CNIH1: variants seen among roughly 807,000 people sequenced by gnomAD.
CNIH1 encodes the protein protein cornichon homolog 1.
A neutral mutation model predicts 20.2 loss-of-function variants in CNIH1; 12 were observed. That is an observed-to-expected ratio of 0.59 (90% CI 0.38 to 0.96). CNIH1 has a LOEUF of 0.96. CNIH1 is among the 40% of genes least tolerant of loss of function. The probability of loss-of-function intolerance (pLI) is 0.00; values close to 1 mark genes in which losing one functional copy is unlikely to be tolerated. For synonymous variants in CNIH1, 69 were observed against 63.3 expected (o/e 1.09, Z -0.43); for missense variants, 152 against 178.8 (o/e 0.85, Z 0.85).
At chr14:54,434,635 T>C (rs961375337) in intron 2 of CNIH1, among the ~76,000 whole-genome samples, 6 of 152,154 alleles carry the variant, frequency 3.9e-5, no homozygotes, top group Non-Finnish European at 8.8e-5. Context: ...CCCAGGAAAA[T>C]CCTCATCTGA....
chr14:54,430,533 G>C (rs2030913367), intron 3 of CNIH1, 129 bp from the exon 4 acceptor site: 1 of 812,458 alleles, frequency 1.2e-6, no homozygotes, highest in Admixed American at 2.7e-5. Context: ...TTACTTATGG[G>C]TAAAATGCTT....
At chr14:54,436,584 T>C (rs900143632) in intron 1 of CNIH1, 147 bp from the exon 2 acceptor site, 8 of 609,042 alleles carry the variant, frequency 1.3e-5, no homozygotes, top group Non-Finnish European at 2.3e-5. Context: ...TAAACTCATA[T>C]ATGACAAAAA....
At chr14:54,428,267 T>C (rs1161193998) in intron 4 of CNIH1, among the ~76,000 whole-genome samples, 1 of 152,038 alleles carries the variant, frequency 6.6e-6, no homozygotes, top group Admixed American at 6.6e-5. Context: ...ACCATGTGTA[T>C]CCCCATTGTA....
chr14:54,429,939 C>T (rs542245510), intron 4 of CNIH1, among the ~76,000 whole-genome samples: 1 of 152,182 alleles, frequency 6.6e-6, no homozygotes, highest in Non-Finnish European at 1.5e-5. Context: ...GAAATTTCTG[C>T]AAACTCACAC....
chr14:54,435,533 G>A (rs931614631), intron 2 of CNIH1, among the ~76,000 whole-genome samples: 10 of 152,040 alleles, frequency 6.6e-5, no homozygotes, highest in Admixed American at 2.0e-4. Flanking sequence ...TAACCACATA[G>A]ACATTTGTAT....
At chr14:54,434,869 G>A (rs2031025092) in intron 2 of CNIH1, among the ~76,000 whole-genome samples, 1 of 152,296 alleles carries the variant, frequency 6.6e-6, no homozygotes, top group Non-Finnish European at 1.5e-5. Flanking sequence ...TAAGAGCAAA[G>A]AAACAGCTAA....
intron 2 of CNIH1, among the ~76,000 whole-genome samples, chr14:54,434,127 C>G (rs1260943759): frequency 6.6e-6 from 1 of 152,280 alleles, no homozygotes; most frequent in South Asian, 2.1e-4. Context: ...TTAAAGTTCA[C>G]AATTTAAAAA....
At chr14:54,430,748 C>G (rs1173702707) in intron 3 of CNIH1, among the ~76,000 whole-genome samples, 4 of 152,186 alleles carry the variant, frequency 2.6e-5, no homozygotes, top group Non-Finnish European at 5.9e-5. Flanking sequence ...CCCAGATATT[C>G]CAAATGTCCA....
chr14:54,439,461 C>T (rs762448249), intron 1 of CNIH1, among the ~76,000 whole-genome samples: 2 of 151,936 alleles, frequency 1.3e-5, no homozygotes, highest in Non-Finnish European at 2.9e-5. Context: ...TCTAAGAATC[C>T]CCATCATCCC....
At chr14:54,440,460 C>T (rs2031147252) in intron 1 of CNIH1, among the ~76,000 whole-genome samples, 1 of 152,128 alleles carries the variant, frequency 6.6e-6, no homozygotes, top group African/African-American at 2.4e-5. Context: ...GTGCTTCCAC[C>T]CTGCAATAGT....
intron 3 of CNIH1, among the ~76,000 whole-genome samples, chr14:54,431,297 T>G (rs2030938499): frequency 6.6e-6 from 1 of 152,112 alleles, no homozygotes; most frequent in South Asian, 2.1e-4. Flanking sequence ...CTGGTTAATT[T>G]TTGTATTTTT....
rs370210998 is a variant in CNIH1 at position 54,441,334 on chromosome 14, G to C, written c.-7C>G. 1 of 1,500,846 alleles carries C rather than the reference G, an allele frequency of 6.7e-7. No homozygotes were observed. The highest frequency in any genetic ancestry group is 8.9e-7 in the Non-Finnish European group (1 of 1,118,012). The allele number at this position is 1,500,846 out of a possible 1,614,324, so 93.0% of individuals were successfully genotyped here. A position where few individuals can be genotyped will look rare whatever the true frequency, so the allele number is the denominator to read the frequency against. On this transcript the variant is annotated 5_prime_UTR_variant, in exon 1 of 5. Transcript: ENST00000216416. ...CCGCGAACGTGAACGCCATGGCTGG[G>C]GAGGAGGAGCGGGGAGCGGCGCCGT...
At position 54,427,845 on chromosome 14, in the gene CNIH1, A is replaced by C. The variant is rs1365954575; in HGVS notation, c.408-4T>G. On this transcript the variant is annotated splice_polypyrimidine_tract_variant and splice_region_variant and intron_variant, in intron 4 of 4. Transcript: ENST00000216416. The stretch of plus-strand genomic sequence containing the variant: ...GCTCACCAAAACATAGATCATGCTG[A>C]AAAGAAGAAAAAAGATGTTAATTTG... 1.2e-6 allele frequency: 2 copies of C among 1,612,854 alleles called. No individual in the cohort carries two copies. The highest frequency in any genetic ancestry group is 1.7e-6 in the Non-Finnish European group (2 of 1,179,428).
intron 2 of CNIH1, among the ~76,000 whole-genome samples, chr14:54,433,123 G>A (rs2030982806): frequency 6.6e-6 from 1 of 152,160 alleles, no homozygotes; most frequent in South Asian, 2.1e-4. Context: ...TTCAGCCTGA[G>A]GACTTTGTTA....
At chr14:54,438,829 T>A (rs2031108038) in intron 1 of CNIH1, among the ~76,000 whole-genome samples, 1 of 152,182 alleles carries the variant, frequency 6.6e-6, no homozygotes, top group South Asian at 2.1e-4. Flanking sequence ...TGGGAGCAGA[T>A]CCCTCATGAA....
At position 54,425,269 on chromosome 14, in the gene CNIH1, A is replaced by C. The variant is rs2030803558; in HGVS notation, c.*2545T>G. On this transcript the variant is annotated 3_prime_UTR_variant, in exon 5 of 5. Coordinates refer to ENST00000216416, the MANE Select transcript of CNIH1 (RefSeq NM_005776.3). ...ACAAAAAGTTGTTGGTATAGATATA[A>C]CCACAGTGTTACACAAGATGCAATA... is the stretch of plus-strand genomic sequence containing the variant. The C allele has an allele frequency of 1.3e-5, 2 of 152,206 alleles. No homozygotes were observed. The highest frequency in any genetic ancestry group is 4.8e-5 in the African/African-American group (2 of 41,452). 9.4% of individuals were successfully genotyped at this position (152,206 alleles called of 1,614,324 possible).
At chr14:54,438,366 T>A (rs2031097869) in intron 1 of CNIH1, among the ~76,000 whole-genome samples, 2 of 152,230 alleles carry the variant, frequency 1.3e-5, no homozygotes, top group Admixed American at 1.3e-4. Context: ...AGAATATTCT[T>A]AATGATTTTC....
intron 2 of CNIH1, among the ~76,000 whole-genome samples, chr14:54,434,750 T>G (rs537840680): frequency 6.6e-6 from 1 of 152,306 alleles, no homozygotes; most frequent in African/African-American, 2.4e-5. Flanking sequence ...GAAATTTCAG[T>G]TTCTTCATTT....
At chr14:54,429,095 A>G (rs975642986) in intron 4 of CNIH1, among the ~76,000 whole-genome samples, 11 of 151,968 alleles carry the variant, frequency 7.2e-5, no homozygotes, top group African/African-American at 2.7e-4. Flanking sequence ...AGTATTTTAT[A>G]TAAGTGATGT....
Sources: gnomAD v4.1 joint callset for allele counts (sites outside exome capture counted in the v4.1 genomes callset) on GRCh38, gnomAD v4.1.1 for gene constraint, MANE v1.5 for transcripts, NCBI Gene and HGNC (gene_info 2026-07-23, HGNC 2026-07-21) for gene names.